AGBL1: variants seen among roughly 807,000 people sequenced by gnomAD.
The protein encoded by AGBL1 is AGBL carboxypeptidase 1, also known as cytosolic carboxypeptidase 4.
In AGBL1, 130 loss-of-function variants were observed where a neutral mutation model predicts 118.9. The observed-to-expected ratio is 1.09, with a 90% confidence interval of 0.95 to 1.26. The LOEUF (loss-of-function observed/expected upper bound fraction) is 1.26. Among genes scored for constraint, AGBL1 ranks in the 50% most tolerant of loss-of-function variants. The pLI is 0.00. For synonymous variants in AGBL1, 555 were observed against 478.9 expected (o/e 1.16, Z -2.08); for missense variants, 1,584 against 1,298.1 (o/e 1.22, Z -3.38).
intron 18 of AGBL1, among the ~76,000 whole-genome samples, chr15:86,489,187 A>G (rs28585088): frequency 6.6e-6 from 1 of 151,898 alleles, no homozygotes; most frequent in Admixed American, 6.5e-5. Context: ...CTGCCCTGGC[A>G]TCTTTGCCTT....
intron 18 of AGBL1, among the ~76,000 whole-genome samples, chr15:86,444,087 C>T (rs1455414759): frequency 6.6e-6 from 1 of 152,176 alleles, no homozygotes; most frequent in African/African-American, 2.4e-5. Flanking sequence ...TACCAGCATT[C>T]CCCTTTCTCC....
chr15:86,255,709 G>A (rs938070502), intron 7 of AGBL1, among the ~76,000 whole-genome samples: 1 of 152,150 alleles, frequency 6.6e-6, no homozygotes, highest in Non-Finnish European at 1.5e-5. Context: ...TTGAACCCGG[G>A]AGGTGGAGGT....
At chr15:86,204,843 G>C (rs1255838384) in intron 5 of AGBL1, among the ~76,000 whole-genome samples, 1 of 152,122 alleles carries the variant, frequency 6.6e-6, no homozygotes, top group African/African-American at 2.4e-5. Context: ...ACCTGCCTTG[G>C]CCTCTCAAAG....
chr15:86,217,553 C>G (rs1340476060), intron 5 of AGBL1, among the ~76,000 whole-genome samples: 1 of 152,154 alleles, frequency 6.6e-6, no homozygotes, highest in Non-Finnish European at 1.5e-5. Context: ...ATGAATGTAC[C>G]TAACAGAGGA....
intron 21 of AGBL1, among the ~76,000 whole-genome samples, chr15:86,627,921 G>A (rs570419598): frequency 2.0e-4 from 31 of 152,150 alleles, no homozygotes; most frequent in Admixed American, 3.9e-4. Flanking sequence ...CCAACACAGC[G>A]TCCTGCCCAT....
intron 7 of AGBL1, among the ~76,000 whole-genome samples, 190 bp downstream of exon 7, chr15:86,248,069 G>A (rs1159222077): frequency 6.6e-6 from 1 of 152,202 alleles, no homozygotes; most frequent in African/African-American, 2.4e-5. Flanking sequence ...TGTAATCTCA[G>A]CACTTTGGGA....
intron 18 of AGBL1, among the ~76,000 whole-genome samples, chr15:86,411,182 C>G (rs1390613804): frequency 6.6e-6 from 1 of 151,680 alleles, no homozygotes; most frequent in Non-Finnish European, 1.5e-5. Context: ...TCATCAGCCT[C>G]CATCAAGGTA....
intron 18 of AGBL1, among the ~76,000 whole-genome samples, chr15:86,521,015 GA>G (rs1488738610): frequency 1.3e-5 from 2 of 152,000 alleles, no homozygotes; most frequent in Non-Finnish European, 1.5e-5. Flanking sequence ...CAGAAAGGGA[GA>G]AAAAAAGCAG....
chr15:86,947,866 A>C (rs1402489168), intron 23 of AGBL1, among the ~76,000 whole-genome samples: 1 of 152,182 alleles, frequency 6.6e-6, no homozygotes, highest in Non-Finnish European at 1.5e-5. Flanking sequence ...TTTTACATTA[A>C]AAATATAGTA....
At chr15:86,865,363 G>T (rs917437708) in intron 22 of AGBL1, among the ~76,000 whole-genome samples, 1 of 152,166 alleles carries the variant, frequency 6.6e-6, no homozygotes, top group Non-Finnish European at 1.5e-5. Flanking sequence ...CCCACGTTTT[G>T]TATTCTGCAA....
chr15:86,671,063 T>C (rs531380411), intron 21 of AGBL1, among the ~76,000 whole-genome samples: 1 of 152,266 alleles, frequency 6.6e-6, no homozygotes, highest in South Asian at 2.1e-4. Flanking sequence ...TCTTCTCTCT[T>C]ACCTGTCTCT....
intron 21 of AGBL1, among the ~76,000 whole-genome samples, chr15:86,611,114 C>T (rs1011163970): frequency 3.3e-5 from 5 of 152,108 alleles, no homozygotes; most frequent in African/African-American, 9.7e-5. Context: ...TGTATCTGCT[C>T]TTGGTAGCTT....
chr15:86,415,950 A>G (rs149271161), intron 18 of AGBL1, among the ~76,000 whole-genome samples: 9 of 152,334 alleles, frequency 5.9e-5, no homozygotes, highest in African/African-American at 1.4e-4. Context: ...ACAAGTGCCT[A>G]TATGTCATAG....
chr15:86,487,439 A>G (rs921003126), intron 18 of AGBL1, among the ~76,000 whole-genome samples: 1 of 152,102 alleles, frequency 6.6e-6, no homozygotes, highest in African/African-American at 2.4e-5. Flanking sequence ...ATGGGGTATT[A>G]TTGACTCATC....
chr15:86,448,497 C>G (rs116933071), intron 18 of AGBL1, among the ~76,000 whole-genome samples: 2 of 152,136 alleles, frequency 1.3e-5, no homozygotes, highest in Non-Finnish European at 2.9e-5. Context: ...TAAAGATCCA[C>G]CTCCCCACCC....
intron 20 of AGBL1, among the ~76,000 whole-genome samples, chr15:86,547,096 C>T (rs1351039070): frequency 6.6e-6 from 1 of 152,154 alleles, no homozygotes; most frequent in Non-Finnish European, 1.5e-5. Flanking sequence ...TCAATACAAC[C>T]ACCCCAAGGC....
intron 17 of AGBL1, among the ~76,000 whole-genome samples, chr15:86,364,988 T>C (rs71408853): frequency 0.5 from 52,045 of 103,318 alleles, 14,116 homozygotes; most frequent in Non-Finnish European, 0.62. Flanking sequence ...TATATATATA[T>C]ACACACACAC....
intron 21 of AGBL1, among the ~76,000 whole-genome samples, chr15:86,575,453 T>C (rs1388252492): frequency 1.2e-4 from 18 of 152,074 alleles, no homozygotes; most frequent in Admixed American, 1.2e-3. Flanking sequence ...TGAGCCATGT[T>C]TGTGCCATTG....
At chr15:86,884,883 GC>G (rs1236986917) in intron 22 of AGBL1, among the ~76,000 whole-genome samples, 12 of 152,264 alleles carry the variant, frequency 7.9e-5, no homozygotes, top group Admixed American at 3.3e-4. Flanking sequence ...CTCACAAAAT[GC>G]CTCTCAGCGA....
Sources: gnomAD v4.1 joint callset for allele counts (sites outside exome capture counted in the v4.1 genomes callset) on GRCh38, gnomAD v4.1.1 for gene constraint, MANE v1.5 for transcripts, NCBI Gene and HGNC (gene_info 2026-07-23, HGNC 2026-07-21) for gene names.